HS6ST3: variants seen among roughly 807,000 people sequenced by gnomAD.
HS6ST3 encodes the protein heparan sulfate 6-O-sulfotransferase 3.
A neutral mutation model predicts 36.7 loss-of-function variants in HS6ST3; 12 were observed. The ratio of observed to expected loss-of-function variants is 0.33; its 90% CI spans 0.21 to 0.53. The LOEUF is 0.53. Ranked by LOEUF, HS6ST3 falls within the 20% of genes least tolerant of loss-of-function variation. HS6ST3 has a pLI of 0.95. For missense variants in HS6ST3, 584 were observed against 640.9 expected (o/e 0.91, Z 0.96); for synonymous variants, 240 against 257.5 (o/e 0.93, Z 0.65).
chr13:96,248,649 G>C (rs916779873), intron 1 of HS6ST3, among the ~76,000 whole-genome samples: 25 of 152,148 alleles, frequency 1.6e-4, no homozygotes, highest in Non-Finnish European at 5.9e-5. Context: ...GATTTGGATG[G>C]CTATGCAGGT....
intron 1 of HS6ST3, among the ~76,000 whole-genome samples, chr13:96,195,588 C>T (rs948888354): frequency 2.0e-5 from 3 of 152,108 alleles, no homozygotes; most frequent in African/African-American, 7.2e-5. Context: ...GTAAACATGG[C>T]CCTGGGTGAT....
chr13:96,664,888 C>G lies in HS6ST3; in HGVS notation c.708-167602C>G, dbSNP rs75143935. Among the ~76,000 whole-genome samples the G allele has an allele frequency of 4.0e-3, 609 of 152,200 alleles. 22 individuals are homozygous for G. In the East Asian group the frequency reaches 0.095, roughly 24 times the overall value. On this transcript the variant is annotated intron_variant, in intron 1 of 1. Coordinates refer to ENST00000376705, the MANE Select transcript of HS6ST3 (RefSeq NM_153456.4). ...GCATTCTCTCATTAATAAACAAAGG[C>G]AGGCTAAGCATGGTGGCTCATGCCT...
intron 1 of HS6ST3, among the ~76,000 whole-genome samples, chr13:96,325,229 A>C (rs190610187): frequency 3.9e-5 from 6 of 152,276 alleles, no homozygotes; most frequent in Non-Finnish European, 7.4e-5. Context: ...ATTTTTGATA[A>C]GTATTTCTTT....
chr13:96,205,186 A>C (rs1400336404), intron 1 of HS6ST3, among the ~76,000 whole-genome samples: 1 of 152,202 alleles, frequency 6.6e-6, no homozygotes, highest in East Asian at 1.9e-4. Context: ...CCATCAGAGA[A>C]TACTATAAAC....
At position 96,316,225 on chromosome 13, in the gene HS6ST3, CAT is replaced by C. The variant is rs888977905; in HGVS notation, c.707+224659_707+224660del. Among the ~76,000 whole-genome samples the C allele has an allele frequency of 7.4e-4, 112 of 151,560 alleles. 2 individuals are homozygous for C. Among genetic ancestry groups the C allele is most frequent in the African/African-American group, 2.5e-3 (105 of 41,282 alleles). ...ATGCATGTATATGTATACACATACACATATGTGCATATACACATGCACTACAT... is the reference window on the plus strand; with the variant it reads ...ATGCATGTATATGTATACACATACACATGTGCATATACACATGCACTACAT... On this transcript the variant is annotated intron_variant, in intron 1 of 1. Transcript: ENST00000376705.
At chr13:96,281,607 C>A (rs1020461244) in intron 1 of HS6ST3, among the ~76,000 whole-genome samples, 1 of 152,084 alleles carries the variant, frequency 6.6e-6, no homozygotes, top group African/African-American at 2.4e-5. Flanking sequence ...GGTTAACTTG[C>A]CTGCATTCAG....
intron 1 of HS6ST3, among the ~76,000 whole-genome samples, chr13:96,578,379 A>ATGAAGCTCCGAGC (rs1299578792): frequency 6.6e-6 from 1 of 152,088 alleles, no homozygotes; most frequent in Non-Finnish European, 1.5e-5. Context: ...CCATGTGGAG[A>ATGAAGCTCCGAGC]TGAAGCTCCG....
chr13:96,279,398 GT>G (rs1566309973), intron 1 of HS6ST3, among the ~76,000 whole-genome samples: 2 of 152,270 alleles, frequency 1.3e-5, no homozygotes, highest in East Asian at 3.9e-4. Flanking sequence ...CTCTAGCATT[GT>G]GGAGTTTATA....
At chr13:96,230,021 A>G (rs962658638) in intron 1 of HS6ST3, among the ~76,000 whole-genome samples, 37 of 152,226 alleles carry the variant, frequency 2.4e-4, no homozygotes, top group Non-Finnish European at 3.1e-4. Context: ...AAGAATTGCA[A>G]GTAACTCAGG....
At chr13:96,700,408 T>G (rs1469391705) in intron 1 of HS6ST3, among the ~76,000 whole-genome samples, 1 of 152,142 alleles carries the variant, frequency 6.6e-6, no homozygotes, top group African/African-American at 2.4e-5. Context: ...ATAGGAATTA[T>G]GGGAGCTACA....
At chr13:96,219,448 C>G (rs2054443921) in intron 1 of HS6ST3, among the ~76,000 whole-genome samples, 1 of 152,116 alleles carries the variant, frequency 6.6e-6, no homozygotes, top group African/African-American at 2.4e-5. Context: ...TGCCCATTTT[C>G]CCTTCCAATA....
At chr13:96,738,563 C>T (rs1158554221) in intron 1 of HS6ST3, among the ~76,000 whole-genome samples, 1 of 151,746 alleles carries the variant, frequency 6.6e-6, no homozygotes, top group Non-Finnish European at 1.5e-5. Flanking sequence ...CAAATAATGC[C>T]CTATTATTGT....
At chr13:96,116,369 C>A (rs1321262883) in intron 1 of HS6ST3, among the ~76,000 whole-genome samples, 1 of 152,150 alleles carries the variant, frequency 6.6e-6, no homozygotes, top group Non-Finnish European at 1.5e-5. Context: ...TCTGCCCTGA[C>A]CCAACTGTGG....
intron 1 of HS6ST3, among the ~76,000 whole-genome samples, chr13:96,755,214 G>C (rs1361091076): frequency 6.6e-6 from 1 of 151,912 alleles, no homozygotes; most frequent in African/African-American, 2.4e-5. Context: ...CCATAAATTA[G>C]TTTTATCTAT....
intron 1 of HS6ST3, among the ~76,000 whole-genome samples, chr13:96,313,054 T>G (rs1239127189): frequency 6.6e-6 from 1 of 152,038 alleles, no homozygotes; most frequent in Non-Finnish European, 1.5e-5. Context: ...AAATATTTAT[T>G]GCCTTAAAAT....
At chr13:96,769,033 A>G (rs1457117557) in intron 1 of HS6ST3, among the ~76,000 whole-genome samples, 2 of 152,090 alleles carry the variant, frequency 1.3e-5, no homozygotes, top group East Asian at 3.9e-4. Context: ...TTTGGGGGAC[A>G]CTGCCCCTTG....
chr13:96,213,560 T>C (rs2054409504), intron 1 of HS6ST3, among the ~76,000 whole-genome samples: 1 of 151,820 alleles, frequency 6.6e-6, no homozygotes, highest in African/African-American at 2.4e-5. Context: ...GGAATCTTGT[T>C]CTCTTGCCCA....
At chr13:96,096,356 A>G (rs141205971) in intron 1 of HS6ST3, among the ~76,000 whole-genome samples, 1,033 of 152,318 alleles carry the variant, frequency 6.8e-3, no homozygotes, top group Non-Finnish European at 0.011. Context: ...GCTCACTCTC[A>G]GTAAAAACTT....
chr13:96,760,979 T>C (rs1876957309), intron 1 of HS6ST3, among the ~76,000 whole-genome samples: 1 of 152,186 alleles, frequency 6.6e-6, no homozygotes, highest in African/African-American at 2.4e-5. Flanking sequence ...AAACCATGAC[T>C]ATGTTATCTT....
Sources: gnomAD v4.1 joint callset for allele counts (sites outside exome capture counted in the v4.1 genomes callset) on GRCh38, gnomAD v4.1.1 for gene constraint, MANE v1.5 for transcripts, NCBI Gene and HGNC (gene_info 2026-07-23, HGNC 2026-07-21) for gene names.